SMS: variants seen among roughly 807,000 people sequenced by gnomAD.
SMS encodes the protein spermine synthase, also known as spermidine aminopropyltransferase.
Under a neutral mutation model 33.0 loss-of-function variants are expected in SMS, and 3 were observed. The observed-to-expected ratio is 0.09, with a 90% CI of 0.04 to 0.23. SMS has a LOEUF of 0.23. SMS is among the 10% of genes least tolerant of loss of function. The pLI, the probability that SMS is intolerant of heterozygous loss-of-function variation, is 1.00. For missense variants in SMS, 117 were observed against 288.6 expected (o/e 0.41, Z 4.31); for synonymous variants, 103 against 112.2 (o/e 0.92, Z 0.52).
At chrX:21,977,896 G>A (rs1250226109) in intron 5 of SMS, 64 bp from the exon 6 acceptor site, 1 of 1,054,449 alleles carries the variant, frequency 9.5e-7, no homozygotes, top group African/African-American at 1.8e-5. Context: ...TCTTCAGTGT[G>A]GTGGGGCCAG....
intron 1 of SMS, among the ~76,000 whole-genome samples, chrX:21,948,439 C>CTTTTTTTTTTTTTTTTTTT (rs59082770): frequency 1.2e-5 from 1 of 80,206 alleles, no homozygotes; most frequent in Non-Finnish European, 2.3e-5. Context: ...GTCAATGTGT[C>CTTTTTTTTTTTTTTTTTTT]TTTTTTTTTT....
chrX:21,984,993 G>A (rs925661950), intron 8 of SMS, 151 bp from the exon 9 acceptor site: 10 of 423,125 alleles, frequency 2.4e-5, no homozygotes, highest in African/African-American at 1.8e-4. Flanking sequence ...TTTCATTATC[G>A]TTCATGAACA....
chrX:21,957,660 C>G (rs1452940094), intron 1 of SMS, among the ~76,000 whole-genome samples: 6 of 112,252 alleles, frequency 5.3e-5, no homozygotes, highest in African/African-American at 1.9e-4. Context: ...AATGGTAATT[C>G]TACTTCTAGT....
intron 7 of SMS, among the ~76,000 whole-genome samples, chrX:21,979,931 C>CA (rs532310887): frequency 0.054 from 3,197 of 58,727 alleles, 70 homozygotes; most frequent in East Asian, 0.17. Flanking sequence ...GAGAATGTCT[C>CA]AAAAAAAAAA....
At chrX:21,974,565 T>C (rs751779107) in intron 4 of SMS, among the ~76,000 whole-genome samples, 1 of 112,122 alleles carries the variant, frequency 8.9e-6, no homozygotes, top group South Asian at 3.7e-4. Context: ...TTTATGATAA[T>C]GAATTGGTCC....
chrX:21,976,021 T>C (rs1924511489), intron 4 of SMS, among the ~76,000 whole-genome samples: 2 of 111,644 alleles, frequency 1.8e-5, no homozygotes, highest in South Asian at 7.5e-4. Flanking sequence ...GCTCTCGTTT[T>C]CTTTGTGTTT....
chrX:21,967,855 G>A (rs963877865), intron 2 of SMS, among the ~76,000 whole-genome samples: 3 of 112,341 alleles, frequency 2.7e-5, no homozygotes, highest in Non-Finnish European at 5.6e-5. Flanking sequence ...TCCTGCAAGC[G>A]GTAGGTCAAC....
chrX:21,979,018 T>C, intron 7 of SMS, 52 bp downstream of exon 7: 2 of 874,680 alleles, frequency 2.3e-6, no homozygotes, highest in Non-Finnish European at 1.7e-6. Flanking sequence ...ATATAAGTTA[T>C]TGATCAGAAT....
rs187396405 is a variant in SMS at position 21,982,262 on chromosome X, C to T, written c.751-2042C>T. Among the ~76,000 whole-genome samples, 315 of 104,979 alleles carry T rather than the reference C, an allele frequency of 3.0e-3. 1 individual carries two copies. The highest frequency in any genetic ancestry group is 4.6e-3 in the Non-Finnish European group (235 of 51,437). The allele number at this position is 104,979 out of a possible 115,157, so 91.2% of individuals were successfully genotyped here. On this transcript the variant is annotated intron_variant, in intron 7 of 10. Coordinates refer to ENST00000404933, the MANE Select transcript of SMS (RefSeq NM_004595.5). ...CTGAGGCAGGAGAATGGCGTGAACC[C>T]GGGAGGCAGAGCTTGCAGTGAGCCC... is the stretch of plus-strand genomic sequence containing the variant.
chrX:21,988,636 G>A (rs1925528940), intron 9 of SMS, among the ~76,000 whole-genome samples: 1 of 95,099 alleles, frequency 1.1e-5, no homozygotes, highest in South Asian at 5.2e-4. Context: ...CTGCAGTCCA[G>A]CCTGGGCAAG....
intron 1 of SMS, among the ~76,000 whole-genome samples, chrX:21,944,968 CTG>C (rs1922111192): frequency 8.9e-6 from 1 of 111,971 alleles, no homozygotes; most frequent in Non-Finnish European, 1.9e-5. Context: ...GACAGAGAGA[CTG>C]TGTGTCAAAA....
chrX:21,947,467 AAAC>A (rs199672119), intron 1 of SMS, among the ~76,000 whole-genome samples: 1,302 of 111,862 alleles, frequency 0.012, 22 homozygotes, highest in African/African-American at 0.039. Context: ...TCCTTATTTA[AAAC>A]AACAACAACA....
At chrX:21,942,812 T>A (rs1282937330) in intron 1 of SMS, among the ~76,000 whole-genome samples, 1 of 105,949 alleles carries the variant, frequency 9.4e-6, no homozygotes, top group Admixed American at 1.0e-4. Context: ...GTATTTATCG[T>A]CCATGGATTT....
At chrX:21,967,097 T>G in intron 1 of SMS, 99 bp from the exon 2 acceptor site, 1 of 351,922 alleles carries the variant, frequency 2.8e-6, no homozygotes, top group East Asian at 6.0e-5. Context: ...TATTTACTTA[T>G]TTATTTATTT....
chrX:21,983,132 C>T (rs1037833168), intron 7 of SMS, among the ~76,000 whole-genome samples: 3 of 111,050 alleles, frequency 2.7e-5, no homozygotes, highest in African/African-American at 3.3e-5. Flanking sequence ...CTCAAACTCC[C>T]GGGCTCAAGC....
intron 9 of SMS, among the ~76,000 whole-genome samples, chrX:21,989,965 A>T (rs1042366598): frequency 9.1e-6 from 1 of 110,144 alleles, no homozygotes; most frequent in African/African-American, 3.3e-5. Context: ...CTGCTCTCGA[A>T]CTCCTGACCT....
At chrX:21,970,673 ATCC>A (rs1924075038) in intron 2 of SMS, among the ~76,000 whole-genome samples, 1 of 108,979 alleles carries the variant, frequency 9.2e-6, no homozygotes, top group Non-Finnish European at 1.9e-5. Context: ...GGCTTAAGGA[ATCC>A]TCCTGCCTCA....
intron 1 of SMS, among the ~76,000 whole-genome samples, chrX:21,954,956 C>T (rs1257352901): frequency 5.4e-5 from 6 of 110,426 alleles, no homozygotes; most frequent in African/African-American, 1.7e-4. Flanking sequence ...CTTGCCCCAG[C>T]CTCCCGAGTA....
At chrX:21,966,704 A>T (rs1437962555) in intron 1 of SMS, among the ~76,000 whole-genome samples, 1 of 112,153 alleles carries the variant, frequency 8.9e-6, no homozygotes, top group African/African-American at 3.2e-5. Flanking sequence ...TTTGTAAAAC[A>T]TGGGGAAAAA....
Sources: allele counts gnomAD v4.1 joint callset (sites outside exome capture counted in the v4.1 genomes callset), GRCh38; gene constraint gnomAD v4.1.1; transcripts MANE v1.5; gene names NCBI Gene and HGNC (gene_info 2026-07-23, HGNC 2026-07-21).